Variants in NF1 observed in about 807,000 individuals in gnomAD.
NF1 encodes neurofibromin.
A neutral mutation model predicts 325.7 loss-of-function variants in NF1; 122 were observed. That is an observed-to-expected ratio of 0.37 (90% CI 0.32 to 0.44). The LOEUF (loss-of-function observed/expected upper bound fraction) is 0.44. Among genes scored for constraint, NF1 ranks in the 20% least tolerant of loss-of-function variants. The pLI is 1.00. For missense variants in NF1, 2,140 were observed against 3,415.4 expected, an observed-to-expected ratio of 0.63 and a Z score of 9.31; for synonymous variants, 1,091 against 1,186.0, an observed-to-expected ratio of 0.92 and a Z score of 1.65.
chr17:31,305,279 G>C, intron 36 of NF1: 5 of 1,614,108 alleles, frequency 3.1e-6, no homozygotes, highest in South Asian at 2.2e-5. Flanking sequence ...TTGGCTATTG[G>C]TGTTGGTTGT....
chr17:31,269,051 A>T (rs895910400), intron 36 of NF1, among the ~76,000 whole-genome samples: 2 of 151,564 alleles, frequency 1.3e-5, no homozygotes, highest in African/African-American at 4.8e-5. Context: ...TATTACTATT[A>T]CGTACCTTGG....
chr17:31,144,074 C>T (rs550095290), intron 1 of NF1, among the ~76,000 whole-genome samples: 4 of 152,236 alleles, frequency 2.6e-5, no homozygotes, highest in South Asian at 4.2e-4. Flanking sequence ...CCGCCCGCCT[C>T]GGCCTCCCAA....
chr17:31,325,999 A>T lies in NF1; in HGVS notation c.5015A>T (p.Asp1672Val), dbSNP rs1555533338. Residue 1672 changes from aspartate (D) to valine (V), a missense_variant, in exon 37 of 58, where the codon GAC becomes GTC. Asp to Val is a radical substitution (Grantham distance 152, BLOSUM62 -3). This residue lies in a region of NF1 where 103 missense variants were observed against 214.6 expected (regional missense o/e 0.48). Coordinates refer to ENST00000358273, the MANE Select transcript of NF1 (RefSeq NM_001042492.3). ...GTTGTTTTTCCTGGCTTTGCTTACGACAACGTCTCCGCAGTCTATATCTAT... is the reference window on the plus strand; with the variant it reads ...GTTGTTTTTCCTGGCTTTGCTTACGTCAACGTCTCCGCAGTCTATATCTAT... ...WFVVFPGFAY[D>V]NVSAVYIYNC... 1.3e-5 allele frequency: 21 copies of T among 1,614,186 alleles called. No individual in the cohort carries two copies. The highest frequency in any genetic ancestry group is 1.8e-5 in the Non-Finnish European group (21 of 1,180,028).
In NF1 at chr17:31,242,019, A is replaced by G. The variant is rs182605247; in HGVS notation, c.3974+5998A>G. 5.3e-5 allele frequency among the ~76,000 whole-genome samples: 8 copies of G among 152,112 alleles called. No homozygotes were observed. In the East Asian group the frequency reaches 1.5e-3, roughly 29 times the overall value. Reference sequence around the variant, plus strand: ...TTTCACTGGATACTGTTCTAAGGTAAAAGTTTTTTTTTTTTCTTTATCACT... The same window carrying G: ...TTTCACTGGATACTGTTCTAAGGTAGAAGTTTTTTTTTTTTCTTTATCACT... On this transcript the variant is annotated intron_variant, in intron 29 of 57. Transcript: ENST00000358273.
rs1383932970 is a variant in NF1, at chr17:31,374,360, T to C, written c.*205T>C. 4 of 658,024 alleles carry C rather than the reference T, an allele frequency of 6.1e-6. No individual in the cohort carries two copies. Among genetic ancestry groups the C allele is most frequent in the African/African-American group, 5.4e-5 (3 of 55,170 alleles). The allele number at this position is 658,024 out of a possible 1,614,324, so 40.8% of individuals were successfully genotyped here. A position where few individuals can be genotyped will look rare whatever the true frequency, so the allele number is the denominator to read the frequency against. On this transcript the variant is annotated 3_prime_UTR_variant, in exon 58 of 58. Transcript: ENST00000358273. ...CTGCCTTTTCTTTAACTTTTTTTCT[T>C]CTACTTTTGGCGTGTATCTGGTATA...
At chr17:31,239,848 C>T (rs113731680) in intron 29 of NF1, among the ~76,000 whole-genome samples, 180 of 152,226 alleles carry the variant, frequency 1.2e-3, no homozygotes, top group African/African-American at 3.9e-3. Context: ...CTGCAACCTC[C>T]GCCTCCCATG....
In NF1 at chr17:31,344,590, T is replaced by G. The variant is rs147418938; in HGVS notation, c.7189+1455T>G. Reference sequence around the variant, plus strand: ...CCAGTTTTTATGAGAGAGAGAGAGATATGCATACACCCACTATTGTGAATG... The same window carrying G: ...CCAGTTTTTATGAGAGAGAGAGAGAGATGCATACACCCACTATTGTGAATG... On this transcript the variant is annotated intron_variant, in intron 48 of 57. Coordinates refer to ENST00000358273, the MANE Select transcript of NF1 (RefSeq NM_001042492.3). 4.6e-3 allele frequency among the ~76,000 whole-genome samples: 708 copies of G among 152,312 alleles called. 6 individuals carry two copies. Among genetic ancestry groups the G allele is most frequent in the African/African-American group, 0.016 (668 of 41,570 alleles).
At chr17:31,255,084 A>T (rs1323645947) in intron 31 of NF1, among the ~76,000 whole-genome samples, 1 of 152,212 alleles carries the variant, frequency 6.6e-6, no homozygotes, top group African/African-American at 2.4e-5. Flanking sequence ...ACTGTTTATT[A>T]TTCTCAAATA....
intron 50 of NF1, among the ~76,000 whole-genome samples, chr17:31,351,402 AT>A (rs1019727571): frequency 4.6e-5 from 7 of 151,946 alleles, no homozygotes; most frequent in Non-Finnish European, 1.0e-4. Context: ...TAAACATTTT[AT>A]TTATTTTTAT....
rs1051212342 is a variant in NF1 at position 31,376,029 on chromosome 17, A to G, written c.*1874A>G. On this transcript the variant is annotated 3_prime_UTR_variant, in exon 58 of 58. Transcript: ENST00000358273. ...GGCTGCATTAGAAGAAAATGTTTAT[A>G]ATGACAGAGCAACTATGACTATATA... The G allele has an allele frequency of 8.6e-6, 2 of 233,010 alleles. No individual in the cohort carries two copies. Among genetic ancestry groups the G allele is most frequent in the Non-Finnish European group, 1.7e-5 (2 of 117,752 alleles). 14.4% of individuals were successfully genotyped at this position (233,010 alleles called of 1,614,324 possible).
At chr17:31,253,962 T>A (rs1046334419) in intron 31 of NF1, 1 of 152,052 alleles carries the variant, frequency 6.6e-6, no homozygotes, top group Non-Finnish European at 1.5e-5. Flanking sequence ...TATCTAAACT[T>A]TACATATAAT....
rs2151581300 is a variant in NF1 at position 31,356,550 on chromosome 17, T to A, written c.7706T>A (p.Met2569Lys). 1 of 1,613,610 alleles carries A rather than the reference T, an allele frequency of 6.2e-7. No homozygotes were observed. The highest frequency in any genetic ancestry group is 8.5e-7 in the Non-Finnish European group (1 of 1,179,760). ...TCAGGGATCACAACACCCCCCAAAA[T>A]GAGGAGAGTAGCAGAAACTGATTAT... ...MESGITTPPK[M>K]RRVAETDYEM... The change falls in exon 52 of 58, where the codon ATG becomes AAG. Residue 2569 changes from methionine to lysine, a missense_variant. Met to Lys is a moderately conservative substitution (Grantham distance 95). This residue lies in a region of NF1 where 522 missense variants were observed against 749.0 expected (regional missense o/e 0.70). Coordinates refer to ENST00000358273, the MANE Select transcript of NF1 (RefSeq NM_001042492.3).
chr17:31,100,864 G>A (rs1912262047), intron 1 of NF1, among the ~76,000 whole-genome samples: 1 of 152,174 alleles, frequency 6.6e-6, no homozygotes, highest in African/African-American at 2.4e-5. Flanking sequence ...CACCGTGCCC[G>A]GCCCGGAATT....
intron 1 of NF1, among the ~76,000 whole-genome samples, chr17:31,154,079 T>TG (rs1491219935): frequency 4.9e-5 from 5 of 101,228 alleles, no homozygotes; most frequent in Non-Finnish European, 1.1e-4. Flanking sequence ...TTTTTTTTTT[T>TG]GAGACAGAGT....
At chr17:31,144,179 T>A (rs1390509811) in intron 1 of NF1, among the ~76,000 whole-genome samples, 1 of 152,170 alleles carries the variant, frequency 6.6e-6, no homozygotes, top group East Asian at 1.9e-4. Context: ...TCTTCCAAAT[T>A]AACTTCAGAA....
intron 51 of NF1, among the ~76,000 whole-genome samples, chr17:31,352,904 T>G (rs1167235150): frequency 6.6e-6 from 1 of 151,082 alleles, no homozygotes; most frequent in Non-Finnish European, 1.5e-5. Flanking sequence ...ATAGGATTCT[T>G]TTTTTTCTTT....
At chr17:31,304,758 T>C in intron 36 of NF1, 1 of 1,614,168 alleles carries the variant, frequency 6.2e-7, no homozygotes, top group Non-Finnish European at 8.5e-7. Context: ...CTAAGTCATC[T>C]GCTAAAAGTG....
chr17:31,220,502 T>A (rs2143995878), intron 14 of NF1, among the ~76,000 whole-genome samples: 2 of 152,290 alleles, frequency 1.3e-5, no homozygotes, highest in South Asian at 4.1e-4. Context: ...TAGGTACTTA[T>A]TGCTCTTAAT....
At chr17:31,283,968 G>C (rs189221240) in intron 36 of NF1, among the ~76,000 whole-genome samples, 3 of 152,318 alleles carry the variant, frequency 2.0e-5, no homozygotes, top group African/African-American at 7.2e-5. Flanking sequence ...TAGTGGTAAA[G>C]CAAGTCTTTG....
Sources: allele counts gnomAD v4.1 joint callset (sites outside exome capture counted in the v4.1 genomes callset), GRCh38; gene constraint gnomAD v4.1.1; regional missense constraint gnomAD v4.1.1; transcripts MANE v1.5; gene names NCBI Gene and HGNC (gene_info 2026-07-23, HGNC 2026-07-21).